STAU2: variants seen among roughly 807,000 people sequenced by gnomAD.
STAU2 encodes double-stranded RNA-binding protein Staufen homolog 2.
Under a neutral mutation model 65.9 loss-of-function variants are expected in STAU2, and 20 were observed. That is an observed-to-expected ratio of 0.30 (90% CI 0.21 to 0.44). STAU2 has a LOEUF of 0.44. Among genes scored for constraint, STAU2 ranks in the 20% least tolerant of loss-of-function variants. The probability of loss-of-function intolerance (pLI) is 1.00; values close to 1 mark genes in which losing one functional copy is unlikely to be tolerated. For synonymous variants in STAU2, 232 were observed against 233.9 expected (o/e 0.99, Z 0.07); for missense variants, 558 against 683.9 (o/e 0.82, Z 2.05).
intron 13 of STAU2, among the ~76,000 whole-genome samples, chr8:73,480,791 C>G (rs1314303513): frequency 6.6e-6 from 1 of 152,024 alleles, no homozygotes; most frequent in African/African-American, 2.4e-5. Flanking sequence ...GGAGGCTGAG[C>G]AATCTGACTT....
intron 11 of STAU2, among the ~76,000 whole-genome samples, chr8:73,587,920 G>A (rs79148363): frequency 0.05 from 7,563 of 152,054 alleles, 224 homozygotes; most frequent in Middle Eastern, 0.13. Flanking sequence ...TTTTATATAT[G>A]TATTATTTTG....
chr8:73,701,818 C>T lies in STAU2; in HGVS notation c.114+7214G>A, dbSNP rs1416199116. Among the ~76,000 whole-genome samples the T allele has an allele frequency of 5.3e-5, 8 of 152,118 alleles. No homozygotes were observed. The East Asian group carries it at 7.7e-4, about 15-fold the overall frequency. On this transcript the variant is annotated intron_variant, in intron 4 of 14. Transcript: ENST00000524300. ...GGAGTGCTTACAATAGCTAAGATTTCGAATCAACCTAAGTGTCCATCAATA... is the reference window on the plus strand; with the variant it reads ...GGAGTGCTTACAATAGCTAAGATTTTGAATCAACCTAAGTGTCCATCAATA...
intron 6 of STAU2, among the ~76,000 whole-genome samples, chr8:73,654,637 CAAAAAAAAAA>C (rs71269928): frequency 2.7e-4 from 7 of 26,308 alleles, no homozygotes; most frequent in South Asian, 3.4e-3. Flanking sequence ...AAGATTGTCT[CAAAAAAAAAA>C]AAAAAAAAAA....
chr8:73,526,497 T>C (rs1805468603), intron 13 of STAU2, among the ~76,000 whole-genome samples: 1 of 152,236 alleles, frequency 6.6e-6, no homozygotes, highest in Non-Finnish European at 1.5e-5. Flanking sequence ...AGACTCTTTA[T>C]TCTTTCCAAG....
chr8:73,743,042 A>C (rs1263097202), intron 1 of STAU2, among the ~76,000 whole-genome samples: 1 of 152,124 alleles, frequency 6.6e-6, no homozygotes, highest in Non-Finnish European at 1.5e-5. Context: ...CTGCTACAAA[A>C]CTATCAATTC....
intron 13 of STAU2, among the ~76,000 whole-genome samples, chr8:73,485,413 G>A (rs1027649866): frequency 1.3e-5 from 2 of 151,916 alleles, no homozygotes; most frequent in Admixed American, 6.6e-5. Flanking sequence ...CTCTGCCCCC[G>A]GGAAGTTTAC....
intron 11 of STAU2, among the ~76,000 whole-genome samples, chr8:73,584,529 G>A (rs1810225961): frequency 6.6e-6 from 1 of 152,158 alleles, no homozygotes; most frequent in African/African-American, 2.4e-5. Context: ...TAGAGTTCCT[G>A]TAATTACTCT....
chr8:73,481,497 A>C (rs938988649), intron 13 of STAU2, among the ~76,000 whole-genome samples: 2 of 125,416 alleles, frequency 1.6e-5, no homozygotes, highest in Non-Finnish European at 3.2e-5. Context: ...GATCAAAATA[A>C]GCCAAAAAAA....
At chr8:73,622,746 AACAG>A (rs1016160768) in intron 6 of STAU2, among the ~76,000 whole-genome samples, 1 of 152,246 alleles carries the variant, frequency 6.6e-6, no homozygotes, top group Admixed American at 6.5e-5. Flanking sequence ...TGCTGAAACA[AACAG>A]ACAACCATGA....
chr8:73,452,158 CA>C (rs1177385603), intron 13 of STAU2, among the ~76,000 whole-genome samples: 1 of 152,166 alleles, frequency 6.6e-6, no homozygotes, highest in Non-Finnish European at 1.5e-5. Flanking sequence ...TTCAGGTTCC[CA>C]GGGGAGGAAC....
rs1242958176 is a variant in STAU2 at position 73,447,904 on chromosome 8, G to T, written c.1531-25202C>A. Among the ~76,000 whole-genome samples, 3 of 152,176 alleles carry T rather than the reference G, an allele frequency of 2.0e-5. No individual in the cohort carries two copies. In the East Asian group the frequency reaches 5.8e-4, roughly 29 times the overall value. On this transcript the variant is annotated intron_variant, in intron 13 of 14. Coordinates refer to ENST00000524300, the MANE Select transcript of STAU2 (RefSeq NM_001164380.2). ...CCACCCTCTGGAAAGCGACAGCAGG[G>T]CTAGTCTTTCCTCTCAAGACACACC...
chr8:73,527,944 G>C, intron 13 of STAU2: 1 of 487,730 alleles, frequency 2.1e-6, no homozygotes, highest in Non-Finnish European at 3.7e-6. Context: ...CAATATCTGG[G>C]ACTTGAATTG....
intron 4 of STAU2, among the ~76,000 whole-genome samples, chr8:73,702,154 A>G (rs1317658644): frequency 2.0e-5 from 3 of 152,164 alleles, no homozygotes; most frequent in Non-Finnish European, 2.9e-5. Context: ...GAAAGAATGG[A>G]TAAGACCTAG....
intron 13 of STAU2, among the ~76,000 whole-genome samples, chr8:73,546,301 G>T (rs1238647378): frequency 1.3e-5 from 2 of 151,862 alleles, no homozygotes; most frequent in Non-Finnish European, 2.9e-5. Flanking sequence ...TTACTCAGTT[G>T]TATATATAGT....
At chr8:73,731,237 C>T (rs1806046263) in intron 3 of STAU2, among the ~76,000 whole-genome samples, 1 of 152,226 alleles carries the variant, frequency 6.6e-6, no homozygotes, top group South Asian at 2.1e-4. Context: ...AAAATGCATG[C>T]TCACTTGTTC....
chr8:73,715,111 T>C (rs537796373), intron 3 of STAU2, among the ~76,000 whole-genome samples: 98 of 147,596 alleles, frequency 6.6e-4, no homozygotes, highest in Admixed American at 1.4e-3. Context: ...GAAGACAAAC[T>C]GTTAACATTC....
chr8:73,716,348 C>A (rs1821252385), intron 3 of STAU2, among the ~76,000 whole-genome samples: 1 of 152,182 alleles, frequency 6.6e-6, no homozygotes, highest in Admixed American at 6.5e-5. Context: ...CCTCGGCCTC[C>A]CAAAGTGCTG....
intron 13 of STAU2, among the ~76,000 whole-genome samples, chr8:73,517,444 A>G (rs569497924): frequency 6.6e-5 from 10 of 151,954 alleles, no homozygotes; most frequent in African/African-American, 1.9e-4. Context: ...AAATAAATAA[A>G]TAAAGGAACT....
rs762843140 is a variant in STAU2 at position 73,613,827 on chromosome 8, G to C, written c.808C>G (p.Gln270Glu). The change falls in exon 9 of 15, where the codon CAG (glutamine) becomes GAG (glutamate). Residue 270 changes from glutamine to glutamate, a missense_variant. This residue lies in a region of STAU2 where 199 missense variants were observed against 299.5 expected (regional missense o/e 0.66). Transcript: ENST00000524300. ...AGAGGTGGAAGTTTTTTAAGCTCCTGTAAGACGGTGGTCGCAGCGCGCTTC... is the reference window on the plus strand; with the variant it reads ...AGAGGTGGAAGTTTTTTAAGCTCCTCTAAGACGGTGGTCGCAGCGCGCTTC... ...SKKRAATTVL[Q>E]ELKKLPPLPV... The C allele has an allele frequency of 6.2e-6, 10 of 1,613,732 alleles. No homozygotes were observed. Among genetic ancestry groups the C allele is most frequent in the Admixed American group, 3.3e-5 (2 of 59,984 alleles).
Sources: allele counts gnomAD v4.1 joint callset (sites outside exome capture counted in the v4.1 genomes callset), GRCh38; gene constraint gnomAD v4.1.1; regional missense constraint gnomAD v4.1.1; transcripts MANE v1.5; gene names NCBI Gene and HGNC (gene_info 2026-07-23, HGNC 2026-07-21).